SUFU: variants seen among roughly 807,000 people sequenced by gnomAD.
SUFU encodes suppressor of fused homolog.
In SUFU, 7 loss-of-function variants were observed where a neutral mutation model predicts 58.9. That is an observed-to-expected ratio of 0.12 (90% CI 0.07 to 0.22). The LOEUF is 0.22. Among genes scored for constraint, SUFU ranks in the 10% least tolerant of loss-of-function variants. The probability of loss-of-function intolerance (pLI) is 1.00; values close to 1 mark genes in which losing one functional copy is unlikely to be tolerated. For synonymous variants in SUFU, 232 were observed against 254.8 expected (o/e 0.91, Z 0.85); for missense variants, 451 against 641.3 (o/e 0.70, Z 3.20).
intron 3 of SUFU, among the ~76,000 whole-genome samples, chr10:102,560,550 G>GGGTGATAGAGCAAGACTCAGTCTCAAAAA (rs2063027116): frequency 6.6e-6 from 1 of 152,104 alleles, no homozygotes; most frequent in African/African-American, 2.4e-5. Context: ...ACTCCAGCAT[G>GGGTGATAGAGCAAGACTCAGTCTCAAAAA]GGTGATAGAG....
At chr10:102,589,438 C>CTTTCTTTT (rs2063371459) in intron 3 of SUFU, among the ~76,000 whole-genome samples, 1 of 44,042 alleles carries the variant, frequency 2.3e-5, no homozygotes, top group African/African-American at 8.9e-5. Context: ...TATTTTCTTT[C>CTTTCTTTT]TTTCTTTTTT....
At chr10:102,522,661 T>C (rs7087665) in intron 2 of SUFU, among the ~76,000 whole-genome samples, 53,385 of 152,080 alleles carry the variant, frequency 0.35, 9,534 homozygotes, top group African/African-American at 0.39. Flanking sequence ...GCAGCAGGAC[T>C]AGATCTAGAG....
At chr10:102,537,924 G>A (rs1407720898) in intron 2 of SUFU, among the ~76,000 whole-genome samples, 1 of 152,200 alleles carries the variant, frequency 6.6e-6, no homozygotes, top group African/African-American at 2.4e-5. Flanking sequence ...CCTGGAAGTA[G>A]AATTGCTGGA....
chr10:102,605,732 TG>T (rs36008569), intron 8 of SUFU, among the ~76,000 whole-genome samples: 80,152 of 151,882 alleles, frequency 0.53, 21,619 homozygotes, highest in Middle Eastern at 0.63. Context: ...GTTCTTTCTC[TG>T]GAAAGTTCAG....
At chr10:102,564,355 CAG>C (rs766445565) in intron 3 of SUFU, among the ~76,000 whole-genome samples, 14 of 152,130 alleles carry the variant, frequency 9.2e-5, no homozygotes, top group Non-Finnish European at 1.5e-4. Flanking sequence ...TTTTTGGAGA[CAG>C]AGTCTCACTC....
intron 8 of SUFU, among the ~76,000 whole-genome samples, chr10:102,608,230 C>G (rs201382370): frequency 6.7e-6 from 1 of 150,046 alleles, no homozygotes; most frequent in Non-Finnish European, 1.5e-5. Flanking sequence ...TCTAAAAAAA[C>G]AAAAAAAAAA....
At chr10:102,575,224 T>A (rs1275527216) in intron 3 of SUFU, among the ~76,000 whole-genome samples, 4 of 152,132 alleles carry the variant, frequency 2.6e-5, no homozygotes, top group Admixed American at 2.6e-4. Flanking sequence ...AAAATTTTTT[T>A]AAAAAGCTAG....
intron 3 of SUFU, among the ~76,000 whole-genome samples, chr10:102,552,077 G>A (rs1007118494): frequency 2.0e-5 from 3 of 152,006 alleles, no homozygotes; most frequent in Non-Finnish European, 4.4e-5. Flanking sequence ...CATCAACTAT[G>A]TAGCATTTTC....
chr10:102,511,325 A>G (rs1445229507), intron 2 of SUFU, among the ~76,000 whole-genome samples: 3 of 152,002 alleles, frequency 2.0e-5, no homozygotes, highest in Non-Finnish European at 4.4e-5. Context: ...TTTTATTTGT[A>G]TTGTCATATC....
chr10:102,525,533 C>T (rs911900757), intron 2 of SUFU, among the ~76,000 whole-genome samples: 21 of 152,246 alleles, frequency 1.4e-4, no homozygotes, highest in South Asian at 4.1e-4. Context: ...CTTGCTCTGT[C>T]GCCCAGGCTG....
chr10:102,574,912 C>T (rs1050185525), intron 3 of SUFU, among the ~76,000 whole-genome samples: 6 of 151,980 alleles, frequency 3.9e-5, no homozygotes, highest in Non-Finnish European at 5.9e-5. Context: ...AAAAATTAGC[C>T]CGGCATGGTG....
At chr10:102,528,108 G>A (rs1039615994) in intron 2 of SUFU, among the ~76,000 whole-genome samples, 6 of 152,122 alleles carry the variant, frequency 3.9e-5, no homozygotes, top group African/African-American at 9.7e-5. Context: ...TTCCTGTAGC[G>A]CTCCAGGCTG....
chr10:102,514,127 TCCTCCTGCCTTGG>T (rs1334625184), intron 2 of SUFU, among the ~76,000 whole-genome samples: 1 of 151,940 alleles, frequency 6.6e-6, no homozygotes, highest in East Asian at 1.9e-4. Flanking sequence ...ACTCAAGCAA[TCCTCCTGCCTTGG>T]CCTCTCAAAG....
chr10:102,533,731 C>T (rs1030560119), intron 2 of SUFU, among the ~76,000 whole-genome samples: 3 of 152,218 alleles, frequency 2.0e-5, no homozygotes, highest in South Asian at 4.1e-4. Flanking sequence ...TTTTACCTGT[C>T]TCTTTCATTA....
At chr10:102,627,308 T>C in intron 11 of SUFU, 65 bp downstream of exon 11, 1 of 1,362,394 alleles carries the variant, frequency 7.3e-7, no homozygotes, top group Non-Finnish European at 1.1e-6. Context: ...TGCGTGCGTG[T>C]GCACGTCTGT....
chr10:102,572,002 G>A (rs982290837), intron 3 of SUFU, among the ~76,000 whole-genome samples: 7 of 152,186 alleles, frequency 4.6e-5, no homozygotes, highest in African/African-American at 9.7e-5. Context: ...AGAGTCTGAC[G>A]TTTGTGTAGG....
At position 102,582,657 on chromosome 10, in the gene SUFU, A is replaced by T. The variant is rs186931359; in HGVS notation, c.455-9925A>T. Among the ~76,000 whole-genome samples, 11 of 152,074 alleles carry T rather than the reference A, an allele frequency of 7.2e-5. No homozygotes were observed. The East Asian group carries it at 2.1e-3, about 29-fold the overall frequency. On this transcript the variant is annotated intron_variant, in intron 3 of 11. Coordinates refer to ENST00000369902, the MANE Select transcript of SUFU (RefSeq NM_016169.4). ...TTCTCCCAAGTGAGCAAGGTGTAGA[A>T]CTGTAACTAGCATTTTTGGCGGGGA...
At chr10:102,584,829 G>A (rs765686879) in intron 3 of SUFU, among the ~76,000 whole-genome samples, 6 of 152,248 alleles carry the variant, frequency 3.9e-5, no homozygotes, top group Admixed American at 1.3e-4. Flanking sequence ...GCTGATGGGT[G>A]TTGTGGATGA....
At chr10:102,580,327 A>T (rs2063263483) in intron 3 of SUFU, among the ~76,000 whole-genome samples, 1 of 152,034 alleles carries the variant, frequency 6.6e-6, no homozygotes, top group Non-Finnish European at 1.5e-5. Context: ...ATTACGCAGG[A>T]TGTGTTTATT....
Sources: allele counts gnomAD v4.1 joint callset (sites outside exome capture counted in the v4.1 genomes callset), GRCh38; gene constraint gnomAD v4.1.1; transcripts MANE v1.5; gene names NCBI Gene and HGNC (gene_info 2026-07-23, HGNC 2026-07-21).